Variants in ZNF239 observed in about 807,000 individuals in gnomAD.
ZNF239 encodes the protein zinc finger protein (C2H2) homologous to mouse MOK-2.
In ZNF239, 16 loss-of-function variants were observed where a neutral mutation model predicts 27.5. That is an observed-to-expected ratio of 0.58 (90% confidence interval 0.39 to 0.88). The LOEUF (loss-of-function observed/expected upper bound fraction) is 0.88. ZNF239 is among the 40% of genes least tolerant of loss of function. The probability of loss-of-function intolerance (pLI) is 0.00; values close to 1 mark genes in which losing one functional copy is unlikely to be tolerated. For synonymous variants in ZNF239, 199 were observed against 192.6 expected, an observed-to-expected ratio of 1.03 and a Z score of -0.27; for missense variants, 527 against 551.9, an observed-to-expected ratio of 0.95 and a Z score of 0.45.
At chr10:43,559,320 C>T (rs1837048861) in intron 3 of ZNF239, among the ~76,000 whole-genome samples, 1 of 152,176 alleles carries the variant, frequency 6.6e-6, no homozygotes, top group Non-Finnish European at 1.5e-5. Context: ...AGCGAGACGG[C>T]TGCCATAGCA....
chr10:43,570,596 G>C, intron 2 of ZNF239: 4 of 984,652 alleles, frequency 4.1e-6, no homozygotes, highest in Non-Finnish European at 4.8e-6. Flanking sequence ...TCAGTTGTCT[G>C]GATTGTCTAA....
Position 43,557,109 on chromosome 10 carries a change from C to T in ZNF239, c.971G>A (p.Cys324Tyr). Reference sequence around the variant, plus strand: ...TGAGCGCTGACTGAAGCTCATACCACACTCCTCACACTCATAGGGCTTCTC... The same window carrying T: ...TGAGCGCTGACTGAAGCTCATACCATACTCCTCACACTCATAGGGCTTCTC... ...TGEKPYECEE[C>Y]GMSFSQRSNL... is the part of the protein sequence containing the mutation. Residue 324 changes from cysteine (C) to tyrosine (Y), a missense_variant, in exon 4 of 4, where the codon TGT (cysteine) becomes TAT (tyrosine). Cys to Tyr is a radical substitution (Grantham distance 194). Transcript: ENST00000374446. 2.5e-6 allele frequency: 4 copies of T among 1,612,972 alleles called. No individual in the cohort carries two copies. Among genetic ancestry groups the T allele is most frequent in the Non-Finnish European group, 3.4e-6 (4 of 1,179,260 alleles).
intron 3 of ZNF239, among the ~76,000 whole-genome samples, chr10:43,561,975 A>AG (rs758615137): frequency 6.6e-6 from 1 of 152,256 alleles, no homozygotes; most frequent in Non-Finnish European, 1.5e-5. Flanking sequence ...AAATAAAAAA[A>AG]TTAAAAAGAA....
chr10:43,557,191 C>T lies in ZNF239; in HGVS notation c.889G>A (p.Gly297Arg). ...GEKPYKCDKC[G>R]KGFSQSSKLH... The stretch of plus-strand genomic sequence containing the variant: ...TTGGAGCTCTGACTAAAGCCCTTCC[C>T]ACACTTGTCACATTTATAAGGTTTT... The change falls in exon 4 of 4, where the codon GGG (glycine) becomes AGG (arginine). Residue 297 changes from glycine to arginine, a missense_variant. Transcript: ENST00000374446. 1 of 1,614,116 alleles carries T rather than the reference C, an allele frequency of 6.2e-7. No individual in the cohort carries two copies. Among genetic ancestry groups the T allele is most frequent in the Non-Finnish European group, 8.5e-7 (1 of 1,180,018 alleles).
chr10:43,566,743 T>G (rs527393305), intron 3 of ZNF239, among the ~76,000 whole-genome samples: 1 of 152,380 alleles, frequency 6.6e-6, no homozygotes, highest in East Asian at 1.9e-4. Context: ...TCCATGATAA[T>G]TTGCCTGACC....
chr10:43,567,163 A>G (rs908762880), intron 3 of ZNF239, among the ~76,000 whole-genome samples: 2 of 152,170 alleles, frequency 1.3e-5, no homozygotes, highest in African/African-American at 2.4e-5. Context: ...AGAAAACAAA[A>G]AAGTGTTTTA....
In ZNF239 at chr10:43,568,352, TC is replaced by T. The variant is rs1419980419; in HGVS notation, c.-215-332del. 5.1e-6 allele frequency: 5 copies of T among 985,284 alleles called. No homozygotes were observed. The African/African-American group carries it at 8.7e-5, about 17-fold the overall frequency. 61.0% of individuals were successfully genotyped at this position (985,284 alleles called of 1,614,324 possible). A position where few individuals can be genotyped will look rare whatever the true frequency, so the allele number is the denominator to read the frequency against. The stretch of plus-strand genomic sequence containing the variant: ...ACCATTATCCTGACAACCTTAACAC[TC>T]GCAGGAACAATTTACCCAACACTCT... On this transcript the variant is annotated intron_variant, in intron 2 of 3. Coordinates refer to ENST00000374446, the MANE Select transcript of ZNF239 (RefSeq NM_001099282.2).
chr10:43,558,162 T>A lies in ZNF239; in HGVS notation c.-83A>T. 6.7e-7 allele frequency: 1 copy of A among 1,486,098 alleles called. No homozygotes were observed. The highest frequency in any genetic ancestry group is 1.4e-5 in the South Asian group (1 of 71,928). 92.1% of individuals were successfully genotyped at this position (1,486,098 alleles called of 1,614,324 possible). ...CTGAAGATTCTCCACAGAATTTTCA[T>A]TCAAGTCTCCTAGGGAACAAAGACA... On this transcript the variant is annotated 5_prime_UTR_variant, in exon 4 of 4. It removes an upstream start codon present in the reference 5' UTR. Coordinates refer to ENST00000374446, the MANE Select transcript of ZNF239 (RefSeq NM_001099282.2).
chr10:43,574,035 G>A (rs1838196156), intron 1 of ZNF239, among the ~76,000 whole-genome samples: 1 of 152,196 alleles, frequency 6.6e-6, no homozygotes, highest in African/African-American at 2.4e-5. Flanking sequence ...CGCCTTCCCC[G>A]ACCTCATTCT....
At chr10:43,560,220 ATAATATTAAC>A (rs1837123020) in intron 3 of ZNF239, among the ~76,000 whole-genome samples, 2 of 152,228 alleles carry the variant, frequency 1.3e-5, no homozygotes, top group South Asian at 4.1e-4. Flanking sequence ...AAGACTGCTA[ATAATATTAAC>A]TGGACTGAAG....
chr10:43,570,650 T>C lies in ZNF239; in HGVS notation c.-215-2629A>G. The C allele has an allele frequency of 3.1e-6, 3 of 978,700 alleles. No homozygotes were observed. In the South Asian group the frequency reaches 1.4e-4, roughly 46 times the overall value. The allele number at this position is 978,700 out of a possible 1,614,324, so 60.6% of individuals were successfully genotyped here. A position where few individuals can be genotyped will look rare whatever the true frequency, so the allele number is the denominator to read the frequency against. On this transcript the variant is annotated intron_variant, in intron 2 of 3. Coordinates refer to ENST00000374446, the MANE Select transcript of ZNF239 (RefSeq NM_001099282.2). ...ACAATATTCAAACCATTTCAGATCC[T>C]GTCAATTCTGCCTCCTAAATTTCCC...
chr10:43,565,396 C>A (rs145277269), intron 3 of ZNF239, among the ~76,000 whole-genome samples: 203 of 152,272 alleles, frequency 1.3e-3, no homozygotes, highest in African/African-American at 4.7e-3. Flanking sequence ...ACAAATCTTA[C>A]ATATTATGCT....
Position 43,557,430 on chromosome 10 carries a change from CTG to C in ZNF239, c.648_649del (p.Phe216LeufsTer22). ...ATGAAGTAGTAGCTCTGAGCTTTGA[CTG>C]AAGTTCTTACCACACTGACTACATT... On this transcript the variant is annotated frameshift_variant, in exon 4 of 4. Coordinates refer to ENST00000374446, the MANE Select transcript of ZNF239 (RefSeq NM_001099282.2). LOFTEE classifies it high-confidence loss of function. 2.5e-6 allele frequency: 4 copies of C among 1,614,106 alleles called. No homozygotes were observed. The highest frequency in any genetic ancestry group is 3.4e-6 in the Non-Finnish European group (4 of 1,179,980).
chr10:43,570,386 C>A lies in ZNF239; in HGVS notation c.-215-2365G>T, dbSNP rs1200601382. 23 of 985,218 alleles carry A rather than the reference C, an allele frequency of 2.3e-5. No homozygotes were observed. In the South Asian group the frequency reaches 6.1e-4, roughly 26 times the overall value. The allele number at this position is 985,218 out of a possible 1,614,324, so 61.0% of individuals were successfully genotyped here. A position where few individuals can be genotyped will look rare whatever the true frequency, so the allele number is the denominator to read the frequency against. On this transcript the variant is annotated intron_variant, in intron 2 of 3. Transcript: ENST00000374446. ...CACCACATCCTTTAGCAAGGCATGA[C>A]CCATGGCATATTAAAAGCAAGTGGA...
At chr10:43,569,012 AAAAAC>A (rs1365236624) in intron 2 of ZNF239, among the ~76,000 whole-genome samples, 3 of 152,074 alleles carry the variant, frequency 2.0e-5, no homozygotes, top group Non-Finnish European at 4.4e-5. Context: ...CAAACAAACA[AAAAAC>A]AAAACAAAAC....
chr10:43,573,713 T>C (rs915349140), intron 1 of ZNF239, 36 bp from the exon 2 acceptor site: 2 of 965,780 alleles, frequency 2.1e-6, no homozygotes, highest in East Asian at 1.1e-4. Flanking sequence ...GAAAAAGCCA[T>C]GAAAATCAAG....
At chr10:43,566,994 C>T (rs1205885015) in intron 3 of ZNF239, among the ~76,000 whole-genome samples, 13 of 151,888 alleles carry the variant, frequency 8.6e-5, no homozygotes, top group Non-Finnish European at 1.5e-4. Flanking sequence ...CTCCAGAGGC[C>T]GAGGCAGGAG....
rs1356599580 is a variant in ZNF239 at position 43,557,850 on chromosome 10, G to T, written c.230C>A (p.Ser77Tyr). Residue 77 changes from serine to tyrosine, a missense_variant, in exon 4 of 4, where the codon TCT (serine) becomes TAT (tyrosine). Coordinates refer to ENST00000374446, the MANE Select transcript of ZNF239 (RefSeq NM_001099282.2). ...KVSSQIDTQD[S>Y]SVKFCKNEPQ... Reference sequence around the variant, plus strand: ...CTCATTCTTACAGAACTTCACTGAAGAGTCTTGTGTGTCTATTTGGCTTGA... The same window carrying T: ...CTCATTCTTACAGAACTTCACTGAATAGTCTTGTGTGTCTATTTGGCTTGA... 1 of 1,614,220 alleles carries T rather than the reference G, an allele frequency of 6.2e-7. No individual in the cohort carries two copies. The highest frequency in any genetic ancestry group is 1.7e-5 in the Admixed American group (1 of 60,030).
rs1397985555 is a variant in ZNF239 at position 43,557,816 on chromosome 10, A to G, written c.264T>C (p.Asp88=). 6.2e-7 allele frequency: 1 copy of G among 1,614,044 alleles called. No homozygotes were observed. Among genetic ancestry groups the G allele is most frequent in the Non-Finnish European group, 8.5e-7 (1 of 1,180,044 alleles). ...SVKFCKNEPQ[D]HQESRRLFVM... is the part of the protein sequence containing the mutation. ...CAAAGAGACGTCTGCTTTCCTGATG[A>G]TCCTGAGGCTCATTCTTACAGAACT... The change falls in exon 4 of 4, where the codon GAT becomes GAC. Residue 88 remains aspartate, a synonymous_variant. Transcript: ENST00000374446.
Sources: gnomAD v4.1 joint callset for allele counts (sites outside exome capture counted in the v4.1 genomes callset) on GRCh38, gnomAD v4.1.1 for gene constraint, MANE v1.5 for transcripts, NCBI Gene and HGNC (gene_info 2026-07-23, HGNC 2026-07-21) for gene names.